The following HIBADH variants were observed in gnomAD, a reference collection of about 807,000 sequenced individuals.
HIBADH encodes the protein 3-hydroxyisobutyrate dehydrogenase, mitochondrial.
HIBADH carries 25 observed loss-of-function variants against 36.1 expected under a neutral mutation model. The observed-to-expected ratio is 0.69, with a 90% confidence interval of 0.50 to 0.97. The LOEUF is 0.97. HIBADH is among the 50% of genes least tolerant of loss of function. The probability of loss-of-function intolerance (pLI) is 0.00; values close to 1 mark genes in which losing one functional copy is unlikely to be tolerated. For missense variants in HIBADH, 421 were observed against 418.0 expected, an observed-to-expected ratio of 1.01 and a Z score of -0.06; for synonymous variants, 160 against 149.5, an observed-to-expected ratio of 1.07 and a Z score of -0.51.
At chr7:27,584,309 C>G (rs1608664) in intron 4 of HIBADH, among the ~76,000 whole-genome samples, 115,842 of 151,910 alleles carry the variant, frequency 0.76, 44,666 homozygotes, top group East Asian at 0.94. Context: ...GGAAAATACT[C>G]GTTCAGTTAG....
chr7:27,553,810 T>C (rs954324519), intron 4 of HIBADH, among the ~76,000 whole-genome samples: 2 of 152,208 alleles, frequency 1.3e-5, no homozygotes, highest in African/African-American at 2.4e-5. Context: ...AAACTCCGTC[T>C]TGCAAATAAC....
intron 4 of HIBADH, among the ~76,000 whole-genome samples, chr7:27,596,503 CA>C (rs1185354026): frequency 6.6e-6 from 1 of 152,234 alleles, no homozygotes; most frequent in African/African-American, 2.4e-5. Flanking sequence ...ATTTAAAACA[CA>C]CATACTCTTT....
At chr7:27,599,680 CAAAAAAAAAAAA>C (rs3072889) in intron 4 of HIBADH, among the ~76,000 whole-genome samples, 2 of 41,072 alleles carry the variant, frequency 4.9e-5, no homozygotes, top group South Asian at 1.2e-3. Context: ...ACTCTGTCTC[CAAAAAAAAAAAA>C]AAAAAAAAAA....
At chr7:27,583,922 A>G (rs950034984) in intron 4 of HIBADH, among the ~76,000 whole-genome samples, 3 of 152,030 alleles carry the variant, frequency 2.0e-5, no homozygotes, top group African/African-American at 4.8e-5. Context: ...AAGCAACAAA[A>G]TTTAGTGAGA....
intron 1 of HIBADH, among the ~76,000 whole-genome samples, chr7:27,655,942 T>C (rs1325535672): frequency 1.3e-5 from 2 of 152,114 alleles, no homozygotes; most frequent in Non-Finnish European, 2.9e-5. Flanking sequence ...ACCTTTTGGA[T>C]GGTAATTTGG....
At chr7:27,550,424 T>G (rs1302870666) in intron 4 of HIBADH, among the ~76,000 whole-genome samples, 1 of 152,212 alleles carries the variant, frequency 6.6e-6, no homozygotes, top group Non-Finnish European at 1.5e-5. Flanking sequence ...CAGTGAATCC[T>G]AATTACTTCT....
intron 4 of HIBADH, among the ~76,000 whole-genome samples, chr7:27,562,736 G>A (rs1784486030): frequency 6.6e-6 from 1 of 152,130 alleles, no homozygotes; most frequent in African/African-American, 2.4e-5. Context: ...GAGATTATGG[G>A]TATGAGCCAC....
intron 4 of HIBADH, among the ~76,000 whole-genome samples, chr7:27,591,280 G>T (rs944925364): frequency 6.6e-6 from 1 of 151,950 alleles, no homozygotes; most frequent in East Asian, 1.9e-4. Context: ...GGCCGGGCGT[G>T]GTGGCTCACG....
intron 2 of HIBADH, among the ~76,000 whole-genome samples, chr7:27,635,575 A>T (rs1202756734): frequency 1.3e-5 from 2 of 152,184 alleles, no homozygotes; most frequent in Non-Finnish European, 2.9e-5. Context: ...GGAAACTTAG[A>T]CAGATATTTT....
At chr7:27,581,804 T>A (rs1382226023) in intron 4 of HIBADH, among the ~76,000 whole-genome samples, 1 of 151,798 alleles carries the variant, frequency 6.6e-6, no homozygotes, top group Non-Finnish European at 1.5e-5. Flanking sequence ...TTTTCCATTC[T>A]CATTTTAAAA....
chr7:27,533,931 C>T (rs1252097590), intron 6 of HIBADH, among the ~76,000 whole-genome samples: 1 of 152,204 alleles, frequency 6.6e-6, no homozygotes, highest in Non-Finnish European at 1.5e-5. Context: ...AAAAGAATGA[C>T]AGTCTGTCAG....
chr7:27,597,756 G>A (rs1679385268), intron 4 of HIBADH, among the ~76,000 whole-genome samples: 1 of 152,126 alleles, frequency 6.6e-6, no homozygotes, highest in South Asian at 2.1e-4. Context: ...CTGAAGGAAA[G>A]AATACCTATA....
intron 4 of HIBADH, among the ~76,000 whole-genome samples, chr7:27,555,868 A>C (rs1401254603): frequency 6.6e-6 from 1 of 152,182 alleles, no homozygotes; most frequent in Non-Finnish European, 1.5e-5. Flanking sequence ...ATATATATGC[A>C]TGCAAGTGTG....
intron 4 of HIBADH, among the ~76,000 whole-genome samples, chr7:27,616,466 T>C (rs542933083): frequency 4.6e-5 from 7 of 152,222 alleles, no homozygotes; most frequent in African/African-American, 7.2e-5. Flanking sequence ...TTGTTTTTTT[T>C]GTTTGTTTGT....
In HIBADH at chr7:27,632,329, T is replaced by C. The variant is rs751297598; in HGVS notation, c.362+7A>G. ...CAAGAAAATATCCACAGGTGAGAAATACATACTTTAGAATCCCATTTGCTC... is the reference window on the plus strand; with the variant it reads ...CAAGAAAATATCCACAGGTGAGAAACACATACTTTAGAATCCCATTTGCTC... On this transcript the variant is annotated splice_region_variant and intron_variant, in intron 3 of 7. Transcript: ENST00000265395. 9 of 1,533,764 alleles carry C rather than the reference T, an allele frequency of 5.9e-6. No homozygotes were observed. Among genetic ancestry groups the C allele is most frequent in the African/African-American group, 2.7e-5 (2 of 73,230 alleles).
chr7:27,618,713 G>A (rs1042356231), intron 4 of HIBADH, among the ~76,000 whole-genome samples: 1 of 152,054 alleles, frequency 6.6e-6, no homozygotes, highest in Non-Finnish European at 1.5e-5. Context: ...ATTGGCTTTT[G>A]GATCTGCAGG....
At chr7:27,534,402 G>A (rs1045294183) in intron 6 of HIBADH, among the ~76,000 whole-genome samples, 3 of 152,124 alleles carry the variant, frequency 2.0e-5, no homozygotes, top group African/African-American at 7.2e-5. Context: ...ACTCAGATCT[G>A]CTATATCCAA....
At chr7:27,563,758 A>T (rs1156330947) in intron 4 of HIBADH, among the ~76,000 whole-genome samples, 2 of 151,992 alleles carry the variant, frequency 1.3e-5, no homozygotes, top group Admixed American at 1.3e-4. Context: ...TGGTTGTTTT[A>T]TTGTTGACTT....
intron 4 of HIBADH, among the ~76,000 whole-genome samples, chr7:27,604,927 C>T (rs747364330): frequency 1.3e-5 from 2 of 152,014 alleles, no homozygotes; most frequent in Non-Finnish European, 2.9e-5. Context: ...TCAGAAGAGG[C>T]AAGAGTATAA....
Sources: gnomAD v4.1 joint callset for allele counts (sites outside exome capture counted in the v4.1 genomes callset) on GRCh38, gnomAD v4.1.1 for gene constraint, MANE v1.5 for transcripts, NCBI Gene and HGNC (gene_info 2026-07-23, HGNC 2026-07-21) for gene names.